The following KPNA5 variants were observed in gnomAD, a reference collection of about 807,000 sequenced individuals.
KPNA5 encodes karyopherin subunit alpha 5.
A neutral mutation model predicts 71.3 loss-of-function variants in KPNA5; 46 were observed. The ratio of observed to expected loss-of-function variants is 0.65; its 90% CI spans 0.51 to 0.83. The LOEUF is 0.83. Ranked by LOEUF, KPNA5 falls within the 40% of genes least tolerant of loss-of-function variation. The probability of loss-of-function intolerance (pLI) is 0.00; values close to 1 mark genes in which losing one functional copy is unlikely to be tolerated. For synonymous variants in KPNA5, 207 were observed against 201.4 expected, an observed-to-expected ratio of 1.03 and a Z score of -0.24; for missense variants, 547 against 628.3, an observed-to-expected ratio of 0.87 and a Z score of 1.38.
intron 4 of KPNA5, among the ~76,000 whole-genome samples, chr6:116,698,074 G>A (rs190034689): frequency 6.6e-5 from 10 of 152,020 alleles, no homozygotes; most frequent in African/African-American, 2.4e-4. Context: ...AACCGTAGAG[G>A]GTACGTTTTG....
intron 2 of KPNA5, among the ~76,000 whole-genome samples, chr6:116,691,752 CTTTT>C (rs1333056795): frequency 2.6e-5 from 4 of 152,014 alleles, no homozygotes; most frequent in African/African-American, 7.3e-5. Context: ...TAAATATGTG[CTTTT>C]TTAAGTGCTA....
At chr6:116,722,893 TTTC>T (rs1237234024) in intron 9 of KPNA5, among the ~76,000 whole-genome samples, 2 of 152,230 alleles carry the variant, frequency 1.3e-5, no homozygotes, top group Non-Finnish European at 2.9e-5. Flanking sequence ...TCTTCCTTCC[TTTC>T]TTCTTTTGTC....
At chr6:116,693,060 T>C (rs13191809) in intron 4 of KPNA5, among the ~76,000 whole-genome samples, 1 of 152,226 alleles carries the variant, frequency 6.6e-6, no homozygotes, top group East Asian at 1.9e-4. Context: ...ACAAAGGACA[T>C]GAACTCATCC....
Position 116,705,171 on chromosome 6 carries a change from T to G in KPNA5, c.656+11T>G. On this transcript the variant is annotated intron_variant, in intron 7 of 13. Coordinates refer to ENST00000368564, the MANE Select transcript of KPNA5 (RefSeq NM_001366306.2). ...TCCACCTCTTTTAGAGTAAGTACTT[T>G]ATCACAATTAAGTATATATCAAAAA... is the stretch of plus-strand genomic sequence containing the variant. 1.3e-6 allele frequency: 2 copies of G among 1,560,964 alleles called. No individual in the cohort carries two copies. The highest frequency in any genetic ancestry group is 1.8e-6 in the Non-Finnish European group (2 of 1,134,704).
rs976397446 is a variant in KPNA5, at chr6:116,741,427, T to G, written c.*9104T>G. ...AAGTACAGAACAATAGTTGACATTT[T>G]CAGAGTACTTGTTAAGTGAATTTTA... is the stretch of plus-strand genomic sequence containing the variant. On this transcript the variant is annotated 3_prime_UTR_variant, in exon 14 of 14. Coordinates refer to ENST00000368564, the MANE Select transcript of KPNA5 (RefSeq NM_001366306.2). The G allele has an allele frequency of 1.3e-5, 2 of 152,188 alleles. No individual in the cohort carries two copies. The highest frequency in any genetic ancestry group is 2.9e-5 in the Non-Finnish European group (2 of 68,024). The allele number at this position is 152,188 out of a possible 1,614,324, so 9.4% of individuals were successfully genotyped here.
At chr6:116,709,240 G>C (rs1489047737) in intron 7 of KPNA5, among the ~76,000 whole-genome samples, 1 of 152,186 alleles carries the variant, frequency 6.6e-6, no homozygotes, top group East Asian at 1.9e-4. Flanking sequence ...TGTAGTCTCA[G>C]ATACTTGGGA....
chr6:116,723,185 G>A (rs954327200), intron 9 of KPNA5, among the ~76,000 whole-genome samples: 1 of 152,092 alleles, frequency 6.6e-6, no homozygotes, highest in Non-Finnish European at 1.5e-5. Context: ...TCCTGTTATC[G>A]GAGAATAGAG....
intron 4 of KPNA5, among the ~76,000 whole-genome samples, chr6:116,694,885 A>G (rs928781593): frequency 1.3e-5 from 2 of 152,158 alleles, no homozygotes. Flanking sequence ...CACTGTATTA[A>G]TTTATGCTCC....
Position 116,692,285 on chromosome 6 carries a change from T to C in KPNA5, c.241-8T>C, listed in dbSNP as rs1777832273. The stretch of plus-strand genomic sequence containing the variant: ...AATGTTAATTATATTTTTGTGTGTG[T>C]GTTTTAGGAAGAAGTTGTTACTACA... On this transcript the variant is annotated splice_region_variant and splice_polypyrimidine_tract_variant and intron_variant, in intron 3 of 13. Transcript: ENST00000368564. The C allele has an allele frequency of 1.3e-6, 2 of 1,538,896 alleles. No homozygotes were observed. The highest frequency in any genetic ancestry group is 1.9e-5 in the Admixed American group (1 of 53,396).
intron 1 of KPNA5, chr6:116,681,557 G>A: frequency 1.5e-6 from 2 of 1,320,650 alleles, no homozygotes; most frequent in Non-Finnish European, 1.9e-6. Flanking sequence ...GGCGTGGTGA[G>A]TTCAGATTCT....
At chr6:116,683,076 A>T (rs1382620215) in intron 1 of KPNA5, among the ~76,000 whole-genome samples, 1 of 152,226 alleles carries the variant, frequency 6.6e-6, no homozygotes, top group Non-Finnish European at 1.5e-5. Context: ...TAATGGTCTC[A>T]TAAGTAGCGC....
intron 7 of KPNA5, among the ~76,000 whole-genome samples, chr6:116,706,970 C>T (rs573880490): frequency 6.6e-5 from 10 of 152,030 alleles, no homozygotes; most frequent in Non-Finnish European, 1.2e-4. Flanking sequence ...CGAGACCATC[C>T]TGGCTAACAC....
intron 12 of KPNA5, among the ~76,000 whole-genome samples, chr6:116,728,769 A>G (rs1369458075): frequency 1.3e-5 from 2 of 152,078 alleles, no homozygotes; most frequent in Non-Finnish European, 1.5e-5. Flanking sequence ...ACACAGAGTA[A>G]TTGCTCAAGG....
chr6:116,739,290 A>G lies in KPNA5; in HGVS notation c.*6967A>G, dbSNP rs1192125349. The G allele has an allele frequency of 6.6e-6, 1 of 152,164 alleles. No homozygotes were observed. The highest frequency in any genetic ancestry group is 1.5e-5 in the Non-Finnish European group (1 of 68,024). The allele number at this position is 152,164 out of a possible 1,614,324, so 9.4% of individuals were successfully genotyped here. A position where few individuals can be genotyped will look rare whatever the true frequency, so the allele number is the denominator to read the frequency against. The stretch of plus-strand genomic sequence containing the variant: ...AAAATACTTAGGAATCCAACTTACA[A>G]GGGACGTGAAGGACCTCTTCAAGGA... On this transcript the variant is annotated 3_prime_UTR_variant, in exon 14 of 14. Transcript: ENST00000368564.
intron 7 of KPNA5, among the ~76,000 whole-genome samples, chr6:116,705,642 T>C (rs1778411907): frequency 6.6e-6 from 1 of 152,158 alleles, no homozygotes; most frequent in African/African-American, 2.4e-5. Flanking sequence ...AAAAAGAAAT[T>C]ACCCTATAAT....
chr6:116,702,822 T>C (rs1326160485), intron 6 of KPNA5, among the ~76,000 whole-genome samples: 2 of 152,254 alleles, frequency 1.3e-5, no homozygotes, highest in Non-Finnish European at 2.9e-5. Context: ...ATCACATTAC[T>C]TTGAATAGAA....
At chr6:116,712,691 C>A (rs368613873) in intron 7 of KPNA5, among the ~76,000 whole-genome samples, 3 of 152,268 alleles carry the variant, frequency 2.0e-5, no homozygotes, top group Middle Eastern at 3.4e-3. Context: ...TCTTAAACTC[C>A]TGGCCTCAAG....
chr6:116,694,460 G>T (rs1777939164), intron 4 of KPNA5, among the ~76,000 whole-genome samples: 1 of 152,016 alleles, frequency 6.6e-6, no homozygotes, highest in Non-Finnish European at 1.5e-5. Flanking sequence ...CACATCCCTT[G>T]TAAGTTGGAT....
chr6:116,725,924 C>T, intron 11 of KPNA5, 48 bp downstream of exon 11: 1 of 1,554,578 alleles, frequency 6.4e-7, no homozygotes, highest in Admixed American at 2.1e-5. Context: ...TCTAAGAAGC[C>T]AGTTTGGACA....
Sources: gnomAD v4.1 joint callset for allele counts (sites outside exome capture counted in the v4.1 genomes callset) on GRCh38, gnomAD v4.1.1 for gene constraint, MANE v1.5 for transcripts, NCBI Gene and HGNC (gene_info 2026-07-23, HGNC 2026-07-21) for gene names.